UNC5C: variants seen among roughly 807,000 people sequenced by gnomAD.
UNC5C encodes netrin receptor UNC5C.
Under a neutral mutation model 99.8 loss-of-function variants are expected in UNC5C, and 47 were observed. The observed-to-expected ratio is 0.47, with a 90% CI of 0.37 to 0.60. The LOEUF is 0.60. UNC5C is among the 20% of genes least tolerant of loss of function. The probability of loss-of-function intolerance (pLI) is 0.00; values close to 1 mark genes in which losing one functional copy is unlikely to be tolerated. For missense variants in UNC5C, 1,062 were observed against 1,165.9 expected (o/e 0.91, Z 1.30); for synonymous variants, 487 against 452.2 (o/e 1.08, Z -0.98).
chr4:95,219,143 G>C lies in UNC5C; in HGVS notation c.1471C>G (p.Gln491Glu), dbSNP rs763956322. The C allele has an allele frequency of 6.2e-7, 1 of 1,614,008 alleles. No homozygotes were observed. The highest frequency in any genetic ancestry group is 8.5e-7 in the Non-Finnish European group (1 of 1,180,024). The change falls in exon 9 of 16, where the codon CAA becomes GAA. Residue 491 changes from glutamine (Q) to glutamate (E), a missense_variant. By Grantham distance (29) the Gln-to-Glu change is conservative. Coordinates refer to ENST00000453304, the MANE Select transcript of UNC5C (RefSeq NM_003728.4). Reference protein sequence around the residue: ...VYNTSGAVTPQDDLSEFTSKL... With the variant: ...VYNTSGAVTPEDDLSEFTSKL... ...GACGTAAACTCAGAGAGGTCATCTT[G>C]GGGGGTGACAGCACCTGAGGTGTTG...
intron 1 of UNC5C, among the ~76,000 whole-genome samples, chr4:95,380,561 C>G (rs1745040976): frequency 6.6e-6 from 1 of 151,622 alleles, no homozygotes; most frequent in Admixed American, 6.6e-5. Flanking sequence ...CAGGCATAAG[C>G]CACCACGCTT....
intron 14 of UNC5C, among the ~76,000 whole-genome samples, chr4:95,173,182 G>T (rs1472504498): frequency 6.6e-6 from 1 of 150,754 alleles, no homozygotes; most frequent in Non-Finnish European, 1.5e-5. Flanking sequence ...CATGTCATCT[G>T]CAAACAGGGA....
chr4:95,190,665 A>T (rs1483385973), intron 12 of UNC5C, among the ~76,000 whole-genome samples: 1 of 152,092 alleles, frequency 6.6e-6, no homozygotes, highest in Non-Finnish European at 1.5e-5. Context: ...CCTTGCAAAG[A>T]CACCCTCAAG....
intron 1 of UNC5C, among the ~76,000 whole-genome samples, chr4:95,448,188 A>ATG (rs1491152989): frequency 1.3e-4 from 15 of 112,364 alleles, no homozygotes; most frequent in African/African-American, 6.0e-4. Flanking sequence ...AGTTTTGCTA[A>ATG]TGTGTGTGTC....
chr4:95,212,862 G>A (rs1436936186), intron 10 of UNC5C, among the ~76,000 whole-genome samples: 2 of 152,146 alleles, frequency 1.3e-5, no homozygotes, highest in African/African-American at 2.4e-5. Flanking sequence ...TTCTGAAATA[G>A]ATTCTCTCCA....
intron 1 of UNC5C, among the ~76,000 whole-genome samples, chr4:95,347,849 G>T (rs577697530): frequency 2.7e-4 from 41 of 152,126 alleles, no homozygotes; most frequent in African/African-American, 8.2e-4. Context: ...ATTGGGCTGG[G>T]CAAAGATTTC....
chr4:95,177,581 C>A lies in UNC5C; in HGVS notation c.2451+5316G>T, dbSNP rs765084198. ...TCTAGGCTTATGCAATCCCATGGAA[C>A]AGGGTCAATCCAGGGGTGTGGAGGG... On this transcript the variant is annotated intron_variant, in intron 14 of 15. Coordinates refer to ENST00000453304, the MANE Select transcript of UNC5C (RefSeq NM_003728.4). 1.1e-4 allele frequency among the ~76,000 whole-genome samples: 16 copies of A among 152,360 alleles called. No homozygotes were observed. The East Asian group carries it at 1.7e-3, about 17-fold the overall frequency.
intron 1 of UNC5C, among the ~76,000 whole-genome samples, chr4:95,490,394 T>C (rs1478704638): frequency 3.3e-5 from 5 of 151,812 alleles, no homozygotes; most frequent in South Asian, 2.1e-4. Context: ...GCTGCTCCCA[T>C]TGTGAACTTT....
intron 3 of UNC5C, among the ~76,000 whole-genome samples, chr4:95,286,031 G>T (rs949918721): frequency 3.9e-5 from 6 of 152,014 alleles, no homozygotes; most frequent in Non-Finnish European, 8.8e-5. Context: ...TTATAAATGG[G>T]TATAATTTCA....
chr4:95,474,535 G>A (rs1425201038), intron 1 of UNC5C, among the ~76,000 whole-genome samples: 2 of 151,806 alleles, frequency 1.3e-5, no homozygotes, highest in Admixed American at 6.6e-5. Context: ...GGTGATCTAC[G>A]CCTCGGCCTC....
chr4:95,532,685 C>A (rs1560496756), intron 1 of UNC5C, among the ~76,000 whole-genome samples: 1 of 152,042 alleles, frequency 6.6e-6, no homozygotes, highest in African/African-American at 2.4e-5. Flanking sequence ...AATGAAAGAG[C>A]TTAAGCGAAA....
chr4:95,368,226 C>G (rs929115626), intron 1 of UNC5C, among the ~76,000 whole-genome samples: 1 of 147,890 alleles, frequency 6.8e-6, no homozygotes, highest in Non-Finnish European at 1.5e-5. Flanking sequence ...ATTCAATAAG[C>G]TAATAAGTCT....
chr4:95,321,192 A>G (rs1392153726), intron 2 of UNC5C, among the ~76,000 whole-genome samples: 1 of 152,202 alleles, frequency 6.6e-6, no homozygotes, highest in Non-Finnish European at 1.5e-5. Flanking sequence ...CAAATAGGAT[A>G]TAGTCGGGGT....
At position 95,176,057 on chromosome 4, in the gene UNC5C, C is replaced by T. The variant is rs899177041; in HGVS notation, c.2452-5725G>A. Among the ~76,000 whole-genome samples the T allele has an allele frequency of 2.2e-3, 336 of 151,774 alleles. 3 individuals carry two copies. The highest frequency in any genetic ancestry group is 7.8e-3 in the African/African-American group (323 of 41,316). ...CATTGGCTCCTGAGGCTTCTGCATT[C>T]TTCACGTAGTTCTTGAGCCTTGGTT... is the stretch of plus-strand genomic sequence containing the variant. On this transcript the variant is annotated intron_variant, in intron 14 of 15. Transcript: ENST00000453304.
chr4:95,224,020 C>T (rs1302195324), intron 7 of UNC5C, among the ~76,000 whole-genome samples: 2 of 152,206 alleles, frequency 1.3e-5, no homozygotes, highest in African/African-American at 4.8e-5. Context: ...TGGTGGCTCA[C>T]ATCTGTAATC....
At chr4:95,288,145 C>T (rs533802761) in intron 3 of UNC5C, among the ~76,000 whole-genome samples, 27 of 151,834 alleles carry the variant, frequency 1.8e-4, no homozygotes, top group Non-Finnish European at 2.5e-4. Context: ...TGCAGTGGCG[C>T]GACCTCTGCT....
chr4:95,545,239 T>C (rs1021543531), intron 1 of UNC5C, among the ~76,000 whole-genome samples: 2 of 152,228 alleles, frequency 1.3e-5, no homozygotes, highest in African/African-American at 4.8e-5. Flanking sequence ...AGTCAATAAA[T>C]GTCAGTTATA....
chr4:95,202,764 G>A lies in UNC5C; in HGVS notation c.2103C>T (p.Val701=), dbSNP rs1353477976. The change falls in exon 12 of 16, where the codon GTC becomes GTT. Residue 701 remains valine (V), a synonymous_variant. Transcript: ENST00000453304. The part of the protein sequence containing the change: ...CCSSLEYSIR[V]YCLDDTQDAL... ...CATCCTGGGTGTCATCCAGACAGTA[G>A]ACTCGGATGCTGTACTCCAGCGAGG... 1 of 1,614,226 alleles carries A rather than the reference G, an allele frequency of 6.2e-7. No individual in the cohort carries two copies. The highest frequency in any genetic ancestry group is 1.7e-5 in the Admixed American group (1 of 60,036).
At chr4:95,225,464 G>A (rs377081044) in intron 7 of UNC5C, among the ~76,000 whole-genome samples, 3 of 152,276 alleles carry the variant, frequency 2.0e-5, no homozygotes, top group African/African-American at 7.2e-5. Context: ...GTCAAATGGA[G>A]CAAGGTGATA....
Sources: allele counts gnomAD v4.1 joint callset (sites outside exome capture counted in the v4.1 genomes callset), GRCh38; gene constraint gnomAD v4.1.1; transcripts MANE v1.5; gene names NCBI Gene and HGNC (gene_info 2026-07-23, HGNC 2026-07-21).